CYLC1: variants seen among roughly 807,000 people sequenced by gnomAD.
CYLC1 encodes cylicin-1.
CYLC1 carries 2 observed loss-of-function variants against 31.6 expected under a neutral mutation model. That is an observed-to-expected ratio of 0.06 (90% CI 0.03 to 0.20). The LOEUF (loss-of-function observed/expected upper bound fraction) is 0.20. CYLC1 is among the 10% of genes least tolerant of loss of function. The pLI is 1.00. For synonymous variants in CYLC1, 185 were observed against 153.0 expected (o/e 1.21, Z -1.54); for missense variants, 595 against 424.1 (o/e 1.40, Z -3.54).
intron 3 of CYLC1, among the ~76,000 whole-genome samples, chrX:83,872,514 C>G (rs2031679980): frequency 9.1e-6 from 1 of 110,055 alleles, no homozygotes; most frequent in Non-Finnish European, 1.9e-5. Flanking sequence ...TGGGGATAAA[C>G]AGTGTTCAAT....
intron 4 of CYLC1, among the ~76,000 whole-genome samples, chrX:83,886,042 T>C (rs950393884): frequency 9.0e-6 from 1 of 111,171 alleles, no homozygotes; most frequent in Non-Finnish European, 1.9e-5. Flanking sequence ...AACAGAAATC[T>C]TCATTTTTGT....
chrX:83,874,697 G>T (rs2031735387), intron 4 of CYLC1, 66 bp downstream of exon 4: 2 of 1,027,666 alleles, frequency 1.9e-6, no homozygotes, highest in Non-Finnish European at 1.3e-6. Flanking sequence ...TTTAAAGTTT[G>T]AATTTATGTT....
At position 83,874,244 on chromosome X, in the gene CYLC1, T is replaced by G; in HGVS notation, c.1536T>G (p.Asp512Glu). The G allele has an allele frequency of 8.3e-7, 1 of 1,208,214 alleles. No homozygotes were observed. Residue 512 changes from aspartate to glutamate, a missense_variant, in exon 4 of 5, where the codon GAT (aspartate) becomes GAG (glutamate). By Grantham distance (45) the Asp-to-Glu change is conservative. Transcript: ENST00000329312. ...KKGSKKDIKK[D>E]ARKDTESTDA... is the part of the protein sequence containing the mutation. ...GTTCAAAGAAAGATATCAAGAAGGA[T>G]GCAAGAAAGGACACAGAGTCTACTG...
chrX:83,881,950 C>T (rs1232192527), intron 4 of CYLC1, among the ~76,000 whole-genome samples: 1 of 110,405 alleles, frequency 9.1e-6, no homozygotes, highest in Non-Finnish European at 1.9e-5. Flanking sequence ...CCCACCTCAG[C>T]CTCCCAAAGT....
At chrX:83,877,015 A>T (rs1417708799) in intron 4 of CYLC1, among the ~76,000 whole-genome samples, 1 of 111,215 alleles carries the variant, frequency 9.0e-6, no homozygotes, top group Non-Finnish European at 1.9e-5. Flanking sequence ...TCTACTGGGC[A>T]TCTCATACTT....
chrX:83,863,777 G>C lies in CYLC1; in HGVS notation c.17+2578G>C, dbSNP rs1174842884. Among the ~76,000 whole-genome samples, 6 of 111,623 alleles carry C rather than the reference G, an allele frequency of 5.4e-5. No homozygotes were observed. The East Asian group carries it at 1.7e-3, about 31-fold the overall frequency. On this transcript the variant is annotated intron_variant, in intron 1 of 4. Transcript: ENST00000329312. The stretch of plus-strand genomic sequence containing the variant: ...CTGTTAGAGCAGATGCTTTCTTCTT[G>C]CTGCATTTAACTCCTCTAACTGGGC...
At chrX:83,865,812 G>A (rs2031584975) in intron 1 of CYLC1, among the ~76,000 whole-genome samples, 1 of 111,351 alleles carries the variant, frequency 9.0e-6, no homozygotes. Context: ...GACCCACCTG[G>A]ATAATCTAAG....
chrX:83,862,375 C>CAA lies in CYLC1; in HGVS notation c.17+1193_17+1194dup, dbSNP rs754165765. Among the ~76,000 whole-genome samples the CAA allele has an allele frequency of 9.5e-3, 556 of 58,833 alleles. 5 individuals carry two copies. Among genetic ancestry groups the CAA allele is most frequent in the African/African-American group, 0.023 (403 of 17,910 alleles). 51.1% of individuals were successfully genotyped at this position (58,833 alleles called of 115,157 possible). On this transcript the variant is annotated intron_variant, in intron 1 of 4. Transcript: ENST00000329312. The stretch of plus-strand genomic sequence containing the variant: ...TGAAACCCCGTCTCTACTAAAAATA[C>CAA]AAAAAAAAAAAAAAAAAATCAGCCG...
At chrX:83,870,392 G>A (rs2031647320) in intron 2 of CYLC1, among the ~76,000 whole-genome samples, 1 of 111,294 alleles carries the variant, frequency 9.0e-6, no homozygotes, top group Non-Finnish European at 1.9e-5. Flanking sequence ...TATAAAAGAA[G>A]CCTATAACAA....
chrX:83,869,974 T>A, intron 2 of CYLC1, 69 bp downstream of exon 2: 1 of 595,807 alleles, frequency 1.7e-6, no homozygotes, highest in Non-Finnish European at 2.3e-6. Flanking sequence ...TAATGACAAG[T>A]ATATTCCATT....
rs190521685 is a variant in CYLC1, at chrX:83,869,971, A to T, written c.58+66A>T. On this transcript the variant is annotated intron_variant, in intron 2 of 4. Transcript: ENST00000329312. ...GAAAACAATTTTAGGAACTAATGAC[A>T]AGTATATTCCATTAAATGTGATAAA... 581 of 621,441 alleles carry T rather than the reference A, an allele frequency of 9.3e-4. 3 individuals are homozygous for T. In the Middle Eastern group the frequency reaches 0.013, roughly 14 times the overall value. 51.2% of individuals were successfully genotyped at this position (621,441 alleles called of 1,213,427 possible). A position where few individuals can be genotyped will look rare whatever the true frequency, so the allele number is the denominator to read the frequency against.
chrX:83,861,921 G>T (rs1462330306), intron 1 of CYLC1, among the ~76,000 whole-genome samples: 1 of 110,870 alleles, frequency 9.0e-6, no homozygotes, highest in South Asian at 3.8e-4. Context: ...ATTTCTCATG[G>T]TACAACCTAA....
At chrX:83,875,436 G>T (rs1166677714) in intron 4 of CYLC1, among the ~76,000 whole-genome samples, 5 of 111,491 alleles carry the variant, frequency 4.5e-5, no homozygotes, top group Non-Finnish European at 9.4e-5. Context: ...AGAAGAAAGA[G>T]GTTTAATTAG....
chrX:83,877,983 T>A (rs867485232), intron 4 of CYLC1, among the ~76,000 whole-genome samples: 7 of 73,058 alleles, frequency 9.6e-5, no homozygotes, highest in African/African-American at 3.7e-4. Context: ...TATATAAATA[T>A]AAATATATAT....
At position 83,861,218 on chromosome X, in the gene CYLC1, AT is replaced by A; in HGVS notation, c.17+26del. Reference sequence around the variant, plus strand: ...CAAGGTTGTAAGTCCTCTTTTTAATATTTTTTTAGTATTTTAAATAGCCAAT... The same window carrying A: ...CAAGGTTGTAAGTCCTCTTTTTAATATTTTTTAGTATTTTAAATAGCCAAT... On this transcript the variant is annotated intron_variant, in intron 1 of 4. Transcript: ENST00000329312. 3.5e-6 allele frequency: 4 copies of A among 1,144,998 alleles called. No individual in the cohort carries two copies. Among genetic ancestry groups the A allele is most frequent in the Non-Finnish European group, 4.7e-6 (4 of 842,415 alleles). 94.4% of individuals were successfully genotyped at this position (1,144,998 alleles called of 1,213,427 possible). A position where few individuals can be genotyped will look rare whatever the true frequency, so the allele number is the denominator to read the frequency against.
chrX:83,868,941 G>C (rs1040099488), intron 1 of CYLC1, among the ~76,000 whole-genome samples: 1 of 110,447 alleles, frequency 9.1e-6, no homozygotes, highest in African/African-American at 3.3e-5. Context: ...AAATTATTGG[G>C]ATTGCATTGA....
In CYLC1 at chrX:83,874,234, T is replaced by A. The variant is rs1281494660; in HGVS notation, c.1526T>A (p.Ile509Asn). The part of the protein sequence containing the change: ...SKEKKGSKKD[I>N]KKDARKDTES... Reference sequence around the variant, plus strand: ...GAAAAGAAAGGTTCAAAGAAAGATATCAAGAAGGATGCAAGAAAGGACACA... The same window carrying A: ...GAAAAGAAAGGTTCAAAGAAAGATAACAAGAAGGATGCAAGAAAGGACACA... The change falls in exon 4 of 5, where the codon ATC (isoleucine) becomes AAC (asparagine). Residue 509 changes from isoleucine to asparagine, a missense_variant. Physicochemically the swap from Ile to Asn is moderately radical, Grantham distance 149. Transcript: ENST00000329312. 2 of 1,205,213 alleles carry A rather than the reference T, an allele frequency of 1.7e-6. No individual in the cohort carries two copies. The highest frequency in any genetic ancestry group is 4.4e-5 in the Admixed American group (2 of 45,539).
In CYLC1 at chrX:83,871,981, A is replaced by G. The variant is rs761029572; in HGVS notation, c.177+411A>G. Among the ~76,000 whole-genome samples, 3 of 111,350 alleles carry G rather than the reference A, an allele frequency of 2.7e-5. No individual in the cohort carries two copies. In the East Asian group the frequency reaches 8.5e-4, roughly 31 times the overall value. On this transcript the variant is annotated intron_variant, in intron 3 of 4. Coordinates refer to ENST00000329312, the MANE Select transcript of CYLC1 (RefSeq NM_021118.3). ...TGTTTCTCTAAAGTCGAGTTATCCT[A>G]TCAATTAGCAAAAGGAAAAATAAGC...
chrX:83,872,838 A>T (rs985133569), intron 3 of CYLC1, 48 bp from the exon 4 acceptor site: 1 of 913,746 alleles, frequency 1.1e-6, no homozygotes, highest in Non-Finnish European at 1.5e-6. Context: ...CAATATAGAA[A>T]GATAAAACTC....
Sources: gnomAD v4.1 joint callset for allele counts (sites outside exome capture counted in the v4.1 genomes callset) on GRCh38, gnomAD v4.1.1 for gene constraint, MANE v1.5 for transcripts, NCBI Gene and HGNC (gene_info 2026-07-23, HGNC 2026-07-21) for gene names.